The following KCNN2 variants were observed in gnomAD, a reference collection of about 807,000 sequenced individuals.
KCNN2 encodes potassium calcium-activated channel subfamily N member 2.
KCNN2 carries 24 observed loss-of-function variants against 55.5 expected under a neutral mutation model. The ratio of observed to expected loss-of-function variants is 0.43; its 90% CI spans 0.31 to 0.61. KCNN2 has a LOEUF of 0.61. Ranked by LOEUF, KCNN2 falls within the 20% of genes least tolerant of loss-of-function variation. The probability of loss-of-function intolerance (pLI) is 0.08; values close to 1 mark genes in which losing one functional copy is unlikely to be tolerated. For missense variants in KCNN2, 754 were observed against 853.6 expected, an observed-to-expected ratio of 0.88 and a Z score of 1.45; for synonymous variants, 431 against 336.1, an observed-to-expected ratio of 1.28 and a Z score of -3.09.
intron 2 of KCNN2, among the ~76,000 whole-genome samples, chr5:114,264,777 A>G (rs778272798): frequency 6.6e-6 from 1 of 152,126 alleles, no homozygotes; most frequent in Non-Finnish European, 1.5e-5. Context: ...ATGCCCCCCC[A>G]GGGCAGCATG....
intron 5 of KCNN2, among the ~76,000 whole-genome samples, chr5:114,484,279 G>A (rs1198586693): frequency 6.6e-6 from 1 of 152,062 alleles, no homozygotes; most frequent in East Asian, 1.9e-4. Context: ...ATGGTTATAT[G>A]GCAGGGTTCT....
At chr5:114,337,406 G>T (rs1252513805) in intron 2 of KCNN2, among the ~76,000 whole-genome samples, 1 of 152,132 alleles carries the variant, frequency 6.6e-6, no homozygotes, top group Non-Finnish European at 1.5e-5. Context: ...CATGTAGCTA[G>T]TGAAAAGAAC....
intron 2 of KCNN2, among the ~76,000 whole-genome samples, chr5:114,226,900 CAAAAAAAA>C (rs34719469): frequency 1.2e-5 from 1 of 86,760 alleles, no homozygotes; most frequent in Non-Finnish European, 2.2e-5. Flanking sequence ...GACTCCGTCT[CAAAAAAAA>C]AAAAAAAAAA....
At chr5:114,380,853 A>G (rs968492727) in intron 2 of KCNN2, among the ~76,000 whole-genome samples, 1 of 152,156 alleles carries the variant, frequency 6.6e-6, no homozygotes, top group Admixed American at 6.5e-5. Context: ...AGTAGCACTT[A>G]TCAGACTCTG....
chr5:114,413,786 T>C (rs908408995), intron 3 of KCNN2, among the ~76,000 whole-genome samples: 1 of 152,216 alleles, frequency 6.6e-6, no homozygotes. Flanking sequence ...CAGTTCATTA[T>C]GGTCCTCCTC....
intron 4 of KCNN2, 142 bp downstream of exon 4, chr5:114,463,332 AGAGAG>A: frequency 8.2e-6 from 5 of 609,506 alleles, no homozygotes; most frequent in Non-Finnish European, 1.4e-5. Flanking sequence ...TTTTGTGTTG[AGAGAG>A]AATGTCAACA....
chr5:114,363,011 T>C lies in KCNN2; in HGVS notation c.872T>C (p.Leu291Pro). The C allele has an allele frequency of 6.3e-7, 1 of 1,598,242 alleles. No individual in the cohort carries two copies. Among genetic ancestry groups the C allele is most frequent in the Non-Finnish European group, 8.5e-7 (1 of 1,175,740 alleles). ...SKPEHNNSNNLALYGTGGGGS... is the reference protein window; with the variant it reads ...SKPEHNNSNNPALYGTGGGGS... ...CCCGAGCACAACAACTCCAACAACC[T>C]GGCGCTCTATGGAACCGGCGGCGGA... Residue 291 changes from leucine (L) to proline (P), a missense_variant, in exon 1 of 8, where the codon CTG becomes CCG. Coordinates refer to ENST00000673685, the MANE Select transcript of KCNN2 (RefSeq NM_021614.4).
chr5:114,212,542 C>T (rs1478790155), intron 1 of KCNN2, among the ~76,000 whole-genome samples: 1 of 151,892 alleles, frequency 6.6e-6, no homozygotes, highest in Non-Finnish European at 1.5e-5. Flanking sequence ...ATCAATAAAG[C>T]TGTTATAAAA....
intron 1 of KCNN2, among the ~76,000 whole-genome samples, chr5:114,119,198 C>T (rs904341467): frequency 6.6e-6 from 1 of 152,142 alleles, no homozygotes. Flanking sequence ...AGCCCAGGAG[C>T]GAGTTCTGGA....
chr5:114,410,530 A>T (rs1400107399), intron 3 of KCNN2, among the ~76,000 whole-genome samples: 1 of 152,158 alleles, frequency 6.6e-6, no homozygotes, highest in Non-Finnish European at 1.5e-5. Flanking sequence ...TTGACATATG[A>T]CAATACTGAA....
chr5:114,185,326 G>A (rs1753309389), intron 1 of KCNN2, among the ~76,000 whole-genome samples: 1 of 152,194 alleles, frequency 6.6e-6, no homozygotes, highest in Non-Finnish European at 1.5e-5. Flanking sequence ...ATCCTTACAT[G>A]TCAGTGTCAT....
At chr5:114,444,643 A>G (rs753376907) in intron 3 of KCNN2, among the ~76,000 whole-genome samples, 1 of 152,104 alleles carries the variant, frequency 6.6e-6, no homozygotes, top group Non-Finnish European at 1.5e-5. Flanking sequence ...AACTTGTGTG[A>G]TTTGATTTCA....
intron 2 of KCNN2, among the ~76,000 whole-genome samples, chr5:114,281,018 T>C (rs1388149875): frequency 6.6e-6 from 1 of 152,146 alleles, no homozygotes; most frequent in Non-Finnish European, 1.5e-5. Flanking sequence ...CTACACCCCA[T>C]ATAGTCCTAT....
At chr5:114,128,229 G>A (rs560796594) in intron 1 of KCNN2, among the ~76,000 whole-genome samples, 1 of 152,262 alleles carries the variant, frequency 6.6e-6, no homozygotes, top group African/African-American at 2.4e-5. Flanking sequence ...AATTTATAAA[G>A]GAAAGAGGCT....
chr5:114,427,196 A>G (rs1465888719), intron 3 of KCNN2, among the ~76,000 whole-genome samples: 1 of 152,160 alleles, frequency 6.6e-6, no homozygotes, highest in Non-Finnish European at 1.5e-5. Context: ...CCTGACTTCT[A>G]GCTCACCAAG....
intron 3 of KCNN2, among the ~76,000 whole-genome samples, chr5:114,420,527 T>A (rs1759441635): frequency 6.6e-6 from 1 of 152,202 alleles, no homozygotes; most frequent in Non-Finnish European, 1.5e-5. Context: ...CCTGTTTGAT[T>A]TTCTTATAGG....
At chr5:114,296,858 T>A (rs1355844099) in intron 2 of KCNN2, among the ~76,000 whole-genome samples, 1 of 152,236 alleles carries the variant, frequency 6.6e-6, no homozygotes, top group Non-Finnish European at 1.5e-5. Context: ...TTCCTTTTCC[T>A]CATGTATATA....
intron 2 of KCNN2, among the ~76,000 whole-genome samples, chr5:114,266,884 C>A (rs1447216381): frequency 6.6e-6 from 1 of 152,136 alleles, no homozygotes; most frequent in Non-Finnish European, 1.5e-5. Context: ...CTTATATATG[C>A]CCACACTGTA....
intron 2 of KCNN2, among the ~76,000 whole-genome samples, chr5:114,389,053 G>A (rs1423990963): frequency 4.6e-5 from 7 of 151,850 alleles, no homozygotes; most frequent in African/African-American, 1.7e-4. Context: ...TAAGACTGTT[G>A]GATTTTTTGA....
Sources: allele counts gnomAD v4.1 joint callset (sites outside exome capture counted in the v4.1 genomes callset), GRCh38; gene constraint gnomAD v4.1.1; transcripts MANE v1.5; gene names NCBI Gene and HGNC (gene_info 2026-07-23, HGNC 2026-07-21).